RADX: variants seen among roughly 807,000 people sequenced by gnomAD.
RADX encodes RPA1 related single stranded DNA binding protein, X-linked.
In RADX, 36 loss-of-function variants were observed where a neutral mutation model predicts 61.6. The observed-to-expected ratio is 0.58, with a 90% CI of 0.45 to 0.77. The LOEUF (loss-of-function observed/expected upper bound fraction) is 0.77. RADX is among the 30% of genes least tolerant of loss of function. The probability of loss-of-function intolerance (pLI) is 0.00; values close to 1 mark genes in which losing one functional copy is unlikely to be tolerated. For missense variants in RADX, 497 were observed against 651.1 expected (o/e 0.76, Z 2.58); for synonymous variants, 272 against 237.9 (o/e 1.14, Z -1.32).
chrX:106,663,369 T>C (rs898519489), intron 12 of RADX, among the ~76,000 whole-genome samples: 1 of 111,647 alleles, frequency 9.0e-6, no homozygotes, highest in Non-Finnish European at 1.9e-5. Context: ...CATTAGACAA[T>C]CACAGACCTA....
intron 12 of RADX, among the ~76,000 whole-genome samples, chrX:106,667,441 C>A (rs1348912583): frequency 9.0e-6 from 1 of 110,807 alleles, no homozygotes; most frequent in Non-Finnish European, 1.9e-5. Context: ...CTCTGCCTCC[C>A]AAGTAGCTGG....
Position 106,612,007 on chromosome X carries a change from C to T in RADX, c.-74C>T. On this transcript the variant is annotated 5_prime_UTR_variant, in exon 1 of 14. Transcript: ENST00000372548. Reference sequence around the variant, plus strand: ...GAGTAGCGATCGTCGCCAAAGCGCGCGGTTTTATTTCTCTCCGCTTTGGAC... The same window carrying T: ...GAGTAGCGATCGTCGCCAAAGCGCGTGGTTTTATTTCTCTCCGCTTTGGAC... 9.2e-7 allele frequency: 1 copy of T among 1,082,158 alleles called. No homozygotes were observed. The allele number at this position is 1,082,158 out of a possible 1,213,427, so 89.2% of individuals were successfully genotyped here. A position where few individuals can be genotyped will look rare whatever the true frequency, so the allele number is the denominator to read the frequency against.
At chrX:106,618,305 A>C (rs769259491) in intron 1 of RADX, among the ~76,000 whole-genome samples, 1 of 112,039 alleles carries the variant, frequency 8.9e-6, no homozygotes, top group Admixed American at 9.4e-5. Context: ...GTAATTATTT[A>C]AAAAATGACT....
At chrX:106,660,860 G>A in intron 11 of RADX, among the ~76,000 whole-genome samples, 1 of 111,586 alleles carries the variant, frequency 9.0e-6, no homozygotes, top group Non-Finnish European at 1.9e-5. Flanking sequence ...CCTGAGACTG[G>A]GTAATTTACG....
At chrX:106,664,753 TC>T (rs745630560) in intron 12 of RADX, among the ~76,000 whole-genome samples, 2 of 109,607 alleles carry the variant, frequency 1.8e-5, no homozygotes, top group East Asian at 5.8e-4. Flanking sequence ...AGAGGCCTAT[TC>T]CTACTTCTTA....
rs779364039 is a variant in RADX, at chrX:106,637,836, C to T, written c.1485C>T (p.Ser495=). 1.5e-4 allele frequency: 185 copies of T among 1,204,957 alleles called. No homozygotes were observed. The highest frequency in any genetic ancestry group is 2.3e-4 in the Middle Eastern group (1 of 4,365). ...FIQWIRTKSD[S]GEQKNMVIGG... ...AATGGATTAGAACAAAGTCTGATTC[C>T]GGGGAACAGAAGAATATGGTTATTG... is the stretch of plus-strand genomic sequence containing the variant. The change falls in exon 8 of 14, where the codon TCC becomes TCT. Residue 495 remains serine, a synonymous_variant. Transcript: ENST00000372548.
intron 12 of RADX, among the ~76,000 whole-genome samples, chrX:106,664,189 C>T (rs1190413646): frequency 9.4e-6 from 1 of 106,798 alleles, no homozygotes; most frequent in Non-Finnish European, 1.9e-5. Flanking sequence ...CAATAATTTT[C>T]TGTGCTTTCT....
In RADX at chrX:106,636,530, T is replaced by G. The variant is rs1306639258; in HGVS notation, c.1304-13T>G. The G allele has an allele frequency of 3.7e-6, 4 of 1,067,534 alleles. No individual in the cohort carries two copies. Among genetic ancestry groups the G allele is most frequent in the South Asian group, 2.0e-5 (1 of 49,994 alleles). 88.0% of individuals were successfully genotyped at this position (1,067,534 alleles called of 1,213,427 possible). A position where few individuals can be genotyped will look rare whatever the true frequency, so the allele number is the denominator to read the frequency against. ...AATGGAAAAGTAATTTCATAAGTGT[T>G]TTTGTTCTCTAGTGGCATATTTTGT... On this transcript the variant is annotated splice_polypyrimidine_tract_variant and intron_variant, in intron 6 of 13. Transcript: ENST00000372548.
At chrX:106,674,801 G>A (rs1048646967) in intron 13 of RADX, among the ~76,000 whole-genome samples, 10 of 111,471 alleles carry the variant, frequency 9.0e-5, no homozygotes, top group Admixed American at 3.8e-4. Context: ...CAAGGCGGGC[G>A]GATCACGAGG....
intron 1 of RADX, 58 bp downstream of exon 1, chrX:106,612,781 C>A: frequency 9.4e-7 from 1 of 1,061,587 alleles, no homozygotes; most frequent in Non-Finnish European, 1.3e-6. Context: ...CAGGAGCTTG[C>A]GTGAACGGGA....
chrX:106,644,626 C>T (rs1055981642), intron 10 of RADX, among the ~76,000 whole-genome samples: 1 of 111,141 alleles, frequency 9.0e-6, no homozygotes, highest in African/African-American at 3.3e-5. Context: ...CTCCCTTGGT[C>T]ATGATGAGAG....
chrX:106,648,111 A>G (rs769438328), intron 10 of RADX, among the ~76,000 whole-genome samples: 1 of 111,600 alleles, frequency 9.0e-6, no homozygotes, highest in East Asian at 2.8e-4. Flanking sequence ...TAAAATTTAA[A>G]TCTATTGCAG....
chrX:106,628,963 A>G (rs1336622223), intron 3 of RADX, among the ~76,000 whole-genome samples: 6 of 112,100 alleles, frequency 5.4e-5, no homozygotes, highest in African/African-American at 1.9e-4. Flanking sequence ...GACTGAATAA[A>G]TGGAAATCTA....
intron 1 of RADX, among the ~76,000 whole-genome samples, chrX:106,617,135 C>T (rs762916316): frequency 9.9e-6 from 1 of 100,808 alleles, no homozygotes; most frequent in East Asian, 3.3e-4. Context: ...AGCAGCGATT[C>T]TCCTGCTTCA....
chrX:106,612,610 C>T lies in RADX; in HGVS notation c.530C>T (p.Pro177Leu), dbSNP rs764913469. ...PFRNRAHQEK[P>L]ERPLRGGKSH... ...AGAAATAGAGCGCACCAGGAGAAACCAGAGAGGCCTTTAAGAGGCGGGAAG... is the reference window on the plus strand; with the variant it reads ...AGAAATAGAGCGCACCAGGAGAAACTAGAGAGGCCTTTAAGAGGCGGGAAG... Residue 177 changes from proline (P) to leucine (L), a missense_variant, in exon 1 of 14, where the codon CCA becomes CTA. Physicochemically the swap from Pro to Leu is moderately conservative, Grantham distance 98. Coordinates refer to ENST00000372548, the MANE Select transcript of RADX (RefSeq NM_018015.6). 1.7e-6 allele frequency: 2 copies of T among 1,211,051 alleles called. No homozygotes were observed. Among genetic ancestry groups the T allele is most frequent in the South Asian group, 1.8e-5 (1 of 56,924 alleles).
chrX:106,654,275 C>G (rs1311761852), intron 11 of RADX, among the ~76,000 whole-genome samples: 1 of 108,818 alleles, frequency 9.2e-6, no homozygotes, highest in Admixed American at 9.6e-5. Flanking sequence ...TTGCATTTCT[C>G]TAATGACTAG....
chrX:106,640,568 C>A lies in RADX; in HGVS notation c.1751C>A (p.Ser584Ter). 8.4e-7 allele frequency: 1 copy of A among 1,192,582 alleles called. No individual in the cohort carries two copies. Among genetic ancestry groups the A allele is most frequent in the Admixed American group, 2.3e-5 (1 of 43,828 alleles). Reference protein sequence around the residue: ...SETLRNANRPSTSQAARVEIQ... With the variant: ...SETLRNANRP Reference sequence around the variant, plus strand: ...TGGTTTTAGAATGCTAACAGACCCTCGACCTCTCAAGCAGCTAGAGTAGAA... The same window carrying A: ...TGGTTTTAGAATGCTAACAGACCCTAGACCTCTCAAGCAGCTAGAGTAGAA... The change falls in exon 10 of 14, where the codon TCG becomes TAG. Residue 584 changes from serine to a stop codon, truncating the protein, a stop_gained. Transcript: ENST00000372548. LOFTEE classifies it high-confidence loss of function.
chrX:106,659,241 G>A (rs5962710), intron 11 of RADX, among the ~76,000 whole-genome samples: 18,762 of 111,518 alleles, frequency 0.17, 3,867 homozygotes, highest in African/African-American at 0.58. Flanking sequence ...TCAGGCTCCT[G>A]AAGTGCTGGG....
At chrX:106,619,870 A>G (rs1410681911) in intron 1 of RADX, among the ~76,000 whole-genome samples, 4 of 111,597 alleles carry the variant, frequency 3.6e-5, no homozygotes, top group East Asian at 5.6e-4. Context: ...GAATTTATCA[A>G]TTCTATTTTT....
Sources: allele counts gnomAD v4.1 joint callset (sites outside exome capture counted in the v4.1 genomes callset), GRCh38; gene constraint gnomAD v4.1.1; transcripts MANE v1.5; gene names NCBI Gene and HGNC (gene_info 2026-07-23, HGNC 2026-07-21).